CSMD3: variants seen among roughly 807,000 people sequenced by gnomAD.
CSMD3 encodes CUB and sushi domain-containing protein 3.
In CSMD3, 177 loss-of-function variants were observed where a neutral mutation model predicts 435.2. That is an observed-to-expected ratio of 0.41 (90% CI 0.36 to 0.46). The LOEUF (loss-of-function observed/expected upper bound fraction) is 0.46, where lower values mean the gene tolerates loss of function less well. Ranked by LOEUF, CSMD3 falls within the 20% of genes least tolerant of loss-of-function variation. The pLI is 0.34. For missense variants in CSMD3, 4,265 were observed against 4,504.6 expected (o/e 0.95, Z 1.52); for synonymous variants, 1,656 against 1,520.5 (o/e 1.09, Z -2.07).
chr8:113,370,389 T>C (rs2094339874), intron 1 of CSMD3, among the ~76,000 whole-genome samples: 1 of 151,346 alleles, frequency 6.6e-6, no homozygotes, highest in African/African-American at 2.4e-5. Context: ...AGAATCTAAA[T>C]GACCTTGTCA....
intron 22 of CSMD3, among the ~76,000 whole-genome samples, chr8:112,616,142 C>G (rs1833644762): frequency 6.6e-6 from 1 of 152,132 alleles, no homozygotes. Flanking sequence ...TACATAATCT[C>G]AAGTGCCTTC....
chr8:113,222,585 G>C (rs536260796), intron 3 of CSMD3, among the ~76,000 whole-genome samples: 1 of 151,022 alleles, frequency 6.6e-6, no homozygotes, highest in Non-Finnish European at 1.5e-5. Flanking sequence ...TCACCATGTA[G>C]ATAAAAATTG....
intron 13 of CSMD3, among the ~76,000 whole-genome samples, chr8:112,743,909 G>C (rs1413305609): frequency 1.3e-5 from 2 of 151,868 alleles, no homozygotes; most frequent in Non-Finnish European, 2.9e-5. Flanking sequence ...GATTAAACAA[G>C]ATAAGATAAA....
At chr8:112,737,081 G>T (rs10505191) in intron 13 of CSMD3, among the ~76,000 whole-genome samples, 50,530 of 151,802 alleles carry the variant, frequency 0.33, 9,280 homozygotes, top group African/African-American at 0.5. Context: ...ATCTGAGAGA[G>T]ACATAAAATT....
intron 38 of CSMD3, among the ~76,000 whole-genome samples, chr8:112,366,879 A>G (rs1361930645): frequency 6.6e-6 from 1 of 152,230 alleles, no homozygotes; most frequent in African/African-American, 2.4e-5. Context: ...ATCATTGCTT[A>G]CAAAAGTGTC....
At chr8:112,231,248 T>C (rs1813054630) in intron 69 of CSMD3, among the ~76,000 whole-genome samples, 1 of 152,242 alleles carries the variant, frequency 6.6e-6, no homozygotes, top group African/African-American at 2.4e-5. Flanking sequence ...AGTTTAATAT[T>C]TTCTTTTTTA....
chr8:112,260,498 A>G (rs1447586587), intron 61 of CSMD3, among the ~76,000 whole-genome samples: 1 of 152,206 alleles, frequency 6.6e-6, no homozygotes, highest in Non-Finnish European at 1.5e-5. Flanking sequence ...TTGAAATGTA[A>G]ATACATATTT....
intron 32 of CSMD3, among the ~76,000 whole-genome samples, chr8:112,448,060 G>A: frequency 6.6e-6 from 1 of 152,082 alleles, no homozygotes; most frequent in East Asian, 1.9e-4. Flanking sequence ...AAATGCCATA[G>A]ACTGGGTTGT....
chr8:112,851,143 G>A (rs1010937539), intron 11 of CSMD3, among the ~76,000 whole-genome samples: 5 of 151,920 alleles, frequency 3.3e-5, no homozygotes, highest in African/African-American at 4.8e-5. Context: ...TTACATCAGT[G>A]CTCTCAAGAG....
intron 32 of CSMD3, among the ~76,000 whole-genome samples, chr8:112,455,962 A>C (rs918572944): frequency 5.3e-5 from 8 of 152,142 alleles, no homozygotes; most frequent in Non-Finnish European, 7.4e-5. Context: ...TTAACACAGC[A>C]AAATTTTTTA....
chr8:113,171,724 C>A (rs1193291622), intron 4 of CSMD3, among the ~76,000 whole-genome samples: 2 of 152,124 alleles, frequency 1.3e-5, no homozygotes, highest in Non-Finnish European at 2.9e-5. Context: ...GCTTCTTTAC[C>A]ACAGCCCATT....
rs113283475 is a variant in CSMD3 at position 113,160,528 on chromosome 8, A to G, written c.709+13194T>C. Among the ~76,000 whole-genome samples, 535 of 152,144 alleles carry G rather than the reference A, an allele frequency of 3.5e-3. 4 individuals are homozygous for G. Among genetic ancestry groups the G allele is most frequent in the African/African-American group, 0.012 (513 of 41,574 alleles). ...TCATCTATGGATTATATATTGAAGA[A>G]CAGCTTAAACTAGAAAGAATTCTAA... On this transcript the variant is annotated intron_variant, in intron 4 of 70. Coordinates refer to ENST00000297405, the MANE Select transcript of CSMD3 (RefSeq NM_198123.2).
At chr8:112,249,287 C>T (rs905236684) in intron 63 of CSMD3, among the ~76,000 whole-genome samples, 2 of 151,974 alleles carry the variant, frequency 1.3e-5, no homozygotes, top group Non-Finnish European at 2.9e-5. Context: ...AGTTTTACTC[C>T]CCAATATCTT....
intron 32 of CSMD3, among the ~76,000 whole-genome samples, chr8:112,462,812 T>C (rs1817584973): frequency 6.6e-6 from 1 of 152,176 alleles, no homozygotes; most frequent in African/African-American, 2.4e-5. Context: ...GCAAGCTGAT[T>C]AGGTCACCTG....
intron 47 of CSMD3, among the ~76,000 whole-genome samples, chr8:112,315,960 TATATATTCATAGTGTTCAGGGTACAA>T: frequency 6.6e-6 from 1 of 151,970 alleles, no homozygotes; most frequent in Admixed American, 6.6e-5. Flanking sequence ...ATGAAGAACT[TATATATTCATAGTGTTCAGGGTACAA>T]AGACAATTAA....
intron 59 of CSMD3, among the ~76,000 whole-genome samples, chr8:112,278,362 A>G (rs576247444): frequency 6.6e-6 from 1 of 152,310 alleles, no homozygotes; most frequent in East Asian, 1.9e-4. Context: ...GATTTAAATG[A>G]TAGATCTAAG....
At chr8:112,331,850 C>A (rs1824093896) in intron 45 of CSMD3, among the ~76,000 whole-genome samples, 1 of 151,960 alleles carries the variant, frequency 6.6e-6, no homozygotes, top group Admixed American at 6.6e-5. Context: ...GAATTATATA[C>A]TTGGTTTATT....
At chr8:112,454,642 G>A (rs1308088122) in intron 32 of CSMD3, among the ~76,000 whole-genome samples, 1 of 152,052 alleles carries the variant, frequency 6.6e-6, no homozygotes, top group Non-Finnish European at 1.5e-5. Context: ...CAGTTGGTGG[G>A]AATGTAAATT....
intron 1 of CSMD3, among the ~76,000 whole-genome samples, chr8:113,335,957 T>A (rs2094071072): frequency 6.6e-6 from 1 of 152,116 alleles, no homozygotes; most frequent in African/African-American, 2.4e-5. Flanking sequence ...TCTGTAGGTT[T>A]GACTCTTGCC....
Sources: gnomAD v4.1 joint callset for allele counts (sites outside exome capture counted in the v4.1 genomes callset) on GRCh38, gnomAD v4.1.1 for gene constraint, MANE v1.5 for transcripts, NCBI Gene and HGNC (gene_info 2026-07-23, HGNC 2026-07-21) for gene names.